Variants in ALDH18A1 observed in about 807,000 individuals in gnomAD.
ALDH18A1 encodes aldehyde dehydrogenase 18 family member A1, also known as delta-1-pyrroline-5-carboxylate synthase.
A neutral mutation model predicts 88.8 loss-of-function variants in ALDH18A1; 44 were observed. The observed-to-expected ratio is 0.50, with a 90% CI of 0.39 to 0.64. ALDH18A1 has a LOEUF of 0.64. Among genes scored for constraint, ALDH18A1 ranks in the 30% least tolerant of loss-of-function variants. ALDH18A1 has a pLI of 0.00. For missense variants in ALDH18A1, 782 were observed against 1,009.5 expected (o/e 0.77, Z 3.05); for synonymous variants, 331 against 372.1 (o/e 0.89, Z 1.27).
intron 12 of ALDH18A1, among the ~76,000 whole-genome samples, chr10:95,619,137 A>G (rs1419040181): frequency 6.6e-6 from 1 of 152,204 alleles, no homozygotes; most frequent in African/African-American, 2.4e-5. Context: ...AAGCATTCCT[A>G]TACATCAGTA....
chr10:95,654,166 CT>C (rs34306795), intron 1 of ALDH18A1, among the ~76,000 whole-genome samples: 2,805 of 138,330 alleles, frequency 0.02, 57 homozygotes, highest in African/African-American at 0.056. Context: ...ATTATTGTAG[CT>C]TTTTTTTTTT....
At position 95,653,328 on chromosome 10, in the gene ALDH18A1, A is replaced by T; in HGVS notation, c.50T>A (p.Leu17His). The change falls in exon 2 of 18, where the codon CTT becomes CAT. Residue 17 changes from leucine (L) to histidine (H), a missense_variant. This residue lies in a region of ALDH18A1 where 94 missense variants were observed against 99.5 expected (regional missense o/e 0.94). Transcript: ENST00000371224. ...RCGFQPFNQH[L>H]LPWVKCTTVF... ...GGTTGTACACTTGACCCAGGGCAGAAGATGTTGGTTGAAGGGCTGGAACCC... is the reference window on the plus strand; with the variant it reads ...GGTTGTACACTTGACCCAGGGCAGATGATGTTGGTTGAAGGGCTGGAACCC... 6.2e-7 allele frequency: 1 copy of T among 1,613,168 alleles called. No individual in the cohort carries two copies. The highest frequency in any genetic ancestry group is 8.5e-7 in the Non-Finnish European group (1 of 1,179,892).
rs1271559948 is a variant in ALDH18A1 at position 95,653,424 on chromosome 10, A to T, written c.-28-19T>A. On this transcript the variant is annotated intron_variant, in intron 1 of 17. Transcript: ENST00000371224. ...AAAGTATCTGCAGAATACATTTTTTAAAAAGTGAGTAATGAAAAATACTGG... is the reference window on the plus strand; with the variant it reads ...AAAGTATCTGCAGAATACATTTTTTTAAAAGTGAGTAATGAAAAATACTGG... 1.3e-6 allele frequency: 2 copies of T among 1,584,496 alleles called. No individual in the cohort carries two copies. Among genetic ancestry groups the T allele is most frequent in the African/African-American group, 1.3e-5 (1 of 74,306 alleles).
At chr10:95,622,433 C>A (rs774991311) in intron 11 of ALDH18A1, among the ~76,000 whole-genome samples, 1 of 152,082 alleles carries the variant, frequency 6.6e-6, no homozygotes, top group Admixed American at 6.5e-5. Flanking sequence ...AACTCCTGGG[C>A]TAAAGTGATT....
In ALDH18A1 at chr10:95,654,617, T is replaced by C. The variant is rs527658991; in HGVS notation, c.-28-1212A>G. 5.9e-5 allele frequency among the ~76,000 whole-genome samples: 9 copies of C among 151,672 alleles called. No homozygotes were observed. The East Asian group carries it at 1.5e-3, about 26-fold the overall frequency. ...TGAAGAAAAATTAGGAATGGTGTCA[T>C]TGCTTTACAATTTATACTGCACAAA... On this transcript the variant is annotated intron_variant, in intron 1 of 17. Transcript: ENST00000371224.
rs777274822 is a variant in ALDH18A1 at position 95,628,504 on chromosome 10, A to G, written c.809-12T>C. 50 of 1,611,814 alleles carry G rather than the reference A, an allele frequency of 3.1e-5. No individual in the cohort carries two copies. The South Asian group carries it at 4.4e-4, about 14-fold the overall frequency. ...GCTGTCAAAAAGGCCTAAAAAATAG[A>G]CAAGAGTCAGTAATACTGCTTTGAT... On this transcript the variant is annotated splice_polypyrimidine_tract_variant and intron_variant, in intron 7 of 17. Coordinates refer to ENST00000371224, the MANE Select transcript of ALDH18A1 (RefSeq NM_002860.4).
At chr10:95,622,621 T>C (rs998828868) in intron 11 of ALDH18A1, among the ~76,000 whole-genome samples, 1 of 152,164 alleles carries the variant, frequency 6.6e-6, no homozygotes, top group Non-Finnish European at 1.5e-5. Flanking sequence ...CACTGCAAGC[T>C]CCACCTCCAG....
In ALDH18A1 at chr10:95,606,350, A is replaced by G. The variant is rs8758; in HGVS notation, c.*412T>C. ...AAATCTTTCCTTTTTGAAGATGACT[A>G]CATGTGAAAGAAATAAAATGTGAAA... On this transcript the variant is annotated 3_prime_UTR_variant, in exon 18 of 18. Transcript: ENST00000371224. 0.34 allele frequency: 344,587 copies of G among 1,012,226 alleles called. 61,327 individuals carry two copies. The highest frequency in any genetic ancestry group is 0.4 in the Admixed American group (7,752 of 19,334). 62.7% of individuals were successfully genotyped at this position (1,012,226 alleles called of 1,614,324 possible).
intron 6 of ALDH18A1, 35 bp from the exon 7 acceptor site, chr10:95,633,084 G>A (rs761612176): frequency 6.4e-7 from 1 of 1,558,082 alleles, no homozygotes; most frequent in Non-Finnish European, 8.9e-7. Context: ...AAGTGAGTGA[G>A]CTAAGCAGTC....
intron 2 of ALDH18A1, among the ~76,000 whole-genome samples, chr10:95,649,517 G>C (rs1423135960): frequency 6.6e-6 from 1 of 151,796 alleles, no homozygotes; most frequent in African/African-American, 2.4e-5. Context: ...ACCACACCCG[G>C]CTAATTTTTT....
rs751578810 is a variant in ALDH18A1 at position 95,627,551 on chromosome 10, A to T, written c.969T>A (p.Thr323=). 3.6e-5 allele frequency: 58 copies of T among 1,614,074 alleles called. No individual in the cohort carries two copies. The highest frequency in any genetic ancestry group is 4.6e-5 in the Non-Finnish European group (54 of 1,179,992). The change falls in exon 9 of 18, where the codon ACT becomes ACA. Residue 323 remains threonine (T), a synonymous_variant. Transcript: ENST00000371224. ...KAALWALQGG[T]SVVIANGTHP... ...GGGTTCCATTGGCAATAACAACAGA[A>T]GTGCCACCTTGCAAAGCCCAGAGGG...
At chr10:95,633,179 G>C (rs952988548) in intron 6 of ALDH18A1, 130 bp from the exon 7 acceptor site, 6 of 833,632 alleles carry the variant, frequency 7.2e-6, no homozygotes, top group Middle Eastern at 4.3e-4. Flanking sequence ...CAAATATGTA[G>C]ATGACGGCTC....
rs1342016344 is a variant in ALDH18A1 at position 95,616,580 on chromosome 10, A to G, written c.1502T>C (p.Leu501Ser). ...AGCCTCCTTCCCTCCTTTGAGTAAC[A>G]AGCCATTGCCACTTGCGATAGCCAA... ...AALAIASGNGLLLKGGKEAAH... is the reference protein window; with the variant it reads ...AALAIASGNGSLLKGGKEAAH... The change falls in exon 13 of 18, where the codon TTG becomes TCG. Residue 501 changes from leucine to serine, a missense_variant. Leu to Ser is a moderately radical substitution (Grantham distance 145). Transcript: ENST00000371224. The G allele has an allele frequency of 6.2e-6, 10 of 1,606,512 alleles. No individual in the cohort carries two copies. The highest frequency in any genetic ancestry group is 7.6e-6 in the Non-Finnish European group (9 of 1,176,700).
At chr10:95,653,867 G>T (rs1356231462) in intron 1 of ALDH18A1, among the ~76,000 whole-genome samples, 1 of 152,206 alleles carries the variant, frequency 6.6e-6, no homozygotes, top group African/African-American at 2.4e-5. Flanking sequence ...AGCCAGCCAT[G>T]AAAAGCAAGA....
Position 95,643,121 on chromosome 10 carries a change from G to A in ALDH18A1, c.174C>T (p.Gly58=). 5 of 1,614,210 alleles carry A rather than the reference G, an allele frequency of 3.1e-6. No individual in the cohort carries two copies. Among genetic ancestry groups the A allele is most frequent in the Non-Finnish European group, 4.2e-6 (5 of 1,180,040 alleles). Reference sequence around the variant, plus strand: ...GCTCACTGCGGTGGGCGAAGGACTTGCCATGTGTACGACTGAGGGGTACAG... The same window carrying A: ...GCTCACTGCGGTGGGCGAAGGACTTACCATGTGTACGACTGAGGGGTACAG... The part of the protein sequence containing the change: ...FITVPLSRTH[G]KSFAHRSELK... The change falls in exon 3 of 18, where the codon GGC becomes GGT. Residue 58 remains glycine (G), a synonymous_variant. Coordinates refer to ENST00000371224, the MANE Select transcript of ALDH18A1 (RefSeq NM_002860.4).
Position 95,643,198 on chromosome 10 carries a change from G to A in ALDH18A1, c.97C>T (p.Gln33Ter). Reference protein sequence around the residue: ...CTTVFRSHCIQPSVIRHVRSW... With the variant: ...CTTVFRSHCI ...CGAACATGTCTGATGACTGAAGGCT[G>A]GATACAATCTGTAGCCATCAAAGTC... The change falls in exon 3 of 18, where the codon CAG (glutamine) becomes TAG (stop). Residue 33 changes from glutamine to a stop codon, truncating the protein, a stop_gained. Transcript: ENST00000371224. LOFTEE classifies it high-confidence loss of function. The A allele has an allele frequency of 6.2e-7, 1 of 1,614,074 alleles. No homozygotes were observed. Among genetic ancestry groups the A allele is most frequent in the South Asian group, 1.1e-5 (1 of 91,078 alleles).
intron 2 of ALDH18A1, among the ~76,000 whole-genome samples, chr10:95,644,093 A>C (rs2097896860): frequency 6.6e-6 from 1 of 152,236 alleles, no homozygotes; most frequent in African/African-American, 2.4e-5. Context: ...CAGTGAGCCA[A>C]GATCGTGCCA....
intron 1 of ALDH18A1, among the ~76,000 whole-genome samples, chr10:95,655,773 T>C (rs1194242627): frequency 1.3e-5 from 2 of 152,120 alleles, no homozygotes; most frequent in Non-Finnish European, 2.9e-5. Flanking sequence ...TTAGACTCCA[T>C]ATCATCAGTT....
chr10:95,616,314 G>A (rs919018659), intron 13 of ALDH18A1, among the ~76,000 whole-genome samples, 163 bp downstream of exon 13: 3 of 152,208 alleles, frequency 2.0e-5, no homozygotes, highest in Non-Finnish European at 4.4e-5. Context: ...GACCCATCTG[G>A]CTCTGCAGAA....
Sources: gnomAD v4.1 joint callset for allele counts (sites outside exome capture counted in the v4.1 genomes callset) on GRCh38, gnomAD v4.1.1 for gene constraint, gnomAD v4.1.1 regional missense constraint, MANE v1.5 for transcripts, NCBI Gene and HGNC (gene_info 2026-07-23, HGNC 2026-07-21) for gene names.